FTO: variants seen among roughly 807,000 people sequenced by gnomAD.
The protein encoded by FTO is alpha-ketoglutarate-dependent dioxygenase FTO.
Under a neutral mutation model 63.9 loss-of-function variants are expected in FTO, and 47 were observed. The ratio of observed to expected loss-of-function variants is 0.74; its 90% confidence interval spans 0.58 to 0.94. The LOEUF (loss-of-function observed/expected upper bound fraction) is 0.94, where lower values mean the gene tolerates loss of function less well. FTO is among the 40% of genes least tolerant of loss of function. The pLI is 0.00. For missense variants in FTO, 562 were observed against 618.1 expected (o/e 0.91, Z 0.96); for synonymous variants, 207 against 224.4 (o/e 0.92, Z 0.69).
chr16:53,850,807 G>T (rs549920011), intron 4 of FTO, among the ~76,000 whole-genome samples: 2 of 152,140 alleles, frequency 1.3e-5, no homozygotes, highest in South Asian at 4.1e-4. Flanking sequence ...CTGCTTTTAA[G>T]GCTATGAAAA....
At chr16:53,997,850 A>T (rs73626754) in intron 8 of FTO, among the ~76,000 whole-genome samples, 1 of 152,310 alleles carries the variant, frequency 6.6e-6, no homozygotes, top group African/African-American at 2.4e-5. Flanking sequence ...ATGAATCATC[A>T]TTCTGATTTT....
chr16:53,787,553 T>G (rs369414503), intron 1 of FTO, among the ~76,000 whole-genome samples: 10 of 152,114 alleles, frequency 6.6e-5, no homozygotes, highest in African/African-American at 2.2e-4. Context: ...AAAAAAATTA[T>G]TTTGTATTAG....
chr16:53,913,375 A>T (rs1178750168), intron 7 of FTO, among the ~76,000 whole-genome samples: 1 of 152,214 alleles, frequency 6.6e-6, no homozygotes, highest in African/African-American at 2.4e-5. Context: ...TTACAGTCAG[A>T]CACATTGAAC....
intron 4 of FTO, 115 bp from the exon 5 acceptor site, chr16:53,873,671 A>G: frequency 1.3e-6 from 1 of 788,902 alleles, no homozygotes; most frequent in Non-Finnish European, 2.1e-6. Context: ...TTCCTTGGTT[A>G]TTGTTATTTC....
At chr16:54,095,363 T>TA (rs1388181654) in intron 8 of FTO, among the ~76,000 whole-genome samples, 1 of 151,900 alleles carries the variant, frequency 6.6e-6, no homozygotes, top group Non-Finnish European at 1.5e-5. Flanking sequence ...CATTCTCACT[T>TA]ACAATACCCT....
In FTO at chr16:54,002,725, C is replaced by T. The variant is rs377571598; in HGVS notation, c.1364+68616C>T. Among the ~76,000 whole-genome samples, 8 of 152,234 alleles carry T rather than the reference C, an allele frequency of 5.3e-5. 1 individual carries two copies. The highest frequency in any genetic ancestry group is 1.9e-4 in the East Asian group (1 of 5,184). ...TACTTAAAATTTTATTAAGTGCTGTCGTAGAAACTTGTGTCTACAAAAGAC... is the reference window on the plus strand; with the variant it reads ...TACTTAAAATTTTATTAAGTGCTGTTGTAGAAACTTGTGTCTACAAAAGAC... On this transcript the variant is annotated intron_variant, in intron 8 of 8. Coordinates refer to ENST00000471389, the MANE Select transcript of FTO (RefSeq NM_001080432.3).
At chr16:53,958,485 G>A (rs1168122870) in intron 8 of FTO, among the ~76,000 whole-genome samples, 1 of 152,180 alleles carries the variant, frequency 6.6e-6, no homozygotes, top group African/African-American at 2.4e-5. Flanking sequence ...TTAAAGCTTT[G>A]TCAGATAGGT....
chr16:53,888,769 C>G (rs2081074027), intron 6 of FTO, 63 bp from the exon 7 acceptor site: 1 of 1,581,936 alleles, frequency 6.3e-7, no homozygotes, highest in African/African-American at 1.3e-5. Context: ...GAGACGAAGT[C>G]ATTGTCCTCG....
At chr16:53,992,526 C>T (rs1194116511) in intron 8 of FTO, 4 of 152,180 alleles carry the variant, frequency 2.6e-5, no homozygotes, top group Non-Finnish European at 5.9e-5. Flanking sequence ...CTCTTCGTGC[C>T]TGGTGCCCTA....
chr16:53,951,847 C>T (rs373116802), intron 8 of FTO, among the ~76,000 whole-genome samples: 1 of 151,188 alleles, frequency 6.6e-6, no homozygotes, highest in African/African-American at 2.4e-5. Flanking sequence ...AAGAAAAATG[C>T]TAGAAATGCA....
At chr16:53,805,844 T>G (rs950295029) in intron 1 of FTO, among the ~76,000 whole-genome samples, 6 of 152,174 alleles carry the variant, frequency 3.9e-5, no homozygotes, top group African/African-American at 1.4e-4. Context: ...CATCTGCCCC[T>G]CCTGCCAGGT....
chr16:53,965,548 G>T (rs1219433218), intron 8 of FTO, among the ~76,000 whole-genome samples: 1 of 152,154 alleles, frequency 6.6e-6, no homozygotes, highest in African/African-American at 2.4e-5. Flanking sequence ...TGGAGGAGAG[G>T]TGTCAGCAGA....
At chr16:53,797,912 G>T (rs961906620) in intron 1 of FTO, among the ~76,000 whole-genome samples, 2 of 151,920 alleles carry the variant, frequency 1.3e-5, no homozygotes, top group African/African-American at 2.4e-5. Context: ...AAAGAGTTTC[G>T]TATGTTTTCT....
In FTO at chr16:53,867,597, C is replaced by T. The variant is rs142385176; in HGVS notation, c.896-6189C>T. Among the ~76,000 whole-genome samples the T allele has an allele frequency of 6.0e-5, 9 of 151,000 alleles. No individual in the cohort carries two copies. In the East Asian group the frequency reaches 1.4e-3, roughly 23 times the overall value. On this transcript the variant is annotated intron_variant, in intron 4 of 8. Transcript: ENST00000471389. ...TAACATTCTCTTAAATTTGGTAATACGTGTTTTATCGCCCAGAATGTGGTC... is the reference window on the plus strand; with the variant it reads ...TAACATTCTCTTAAATTTGGTAATATGTGTTTTATCGCCCAGAATGTGGTC...
At chr16:54,001,301 C>CACCT (rs2084060879) in intron 8 of FTO, among the ~76,000 whole-genome samples, 1 of 152,184 alleles carries the variant, frequency 6.6e-6, no homozygotes, top group Non-Finnish European at 1.5e-5. Flanking sequence ...ATTCCGTGAG[C>CACCT]ACCTGCCTTG....
chr16:53,985,125 G>A (rs1391813403), intron 8 of FTO, among the ~76,000 whole-genome samples: 5 of 152,140 alleles, frequency 3.3e-5, no homozygotes, highest in African/African-American at 1.2e-4. Context: ...AGAGAGAAGG[G>A]TGGCAATTAG....
At chr16:54,003,461 T>A (rs1290995575) in intron 8 of FTO, among the ~76,000 whole-genome samples, 1 of 152,256 alleles carries the variant, frequency 6.6e-6, no homozygotes, top group Non-Finnish European at 1.5e-5. Flanking sequence ...TTATGTTGAT[T>A]TTTCTGGTAT....
At position 53,934,068 on chromosome 16, in the gene FTO, G is replaced by A. The variant is rs752971837; in HGVS notation, c.1323G>A (p.Ser441=). 24 of 1,613,918 alleles carry A rather than the reference G, an allele frequency of 1.5e-5. No individual in the cohort carries two copies. Among genetic ancestry groups the A allele is most frequent in the South Asian group, 2.2e-5 (2 of 91,092 alleles). Residue 441 remains serine (S), a synonymous_variant, in exon 8 of 9, where the codon TCG becomes TCA. Coordinates refer to ENST00000471389, the MANE Select transcript of FTO (RefSeq NM_001080432.3). ...AAATCTTGACTGCCATCCTTGCCTCGCTCACTGCACGCCAGAACCTGAGGA... is the reference window on the plus strand; with the variant it reads ...AAATCTTGACTGCCATCCTTGCCTCACTCACTGCACGCCAGAACCTGAGGA... The part of the protein sequence containing the change: ...RNEILTAILA[S]LTARQNLRRE...
chr16:53,800,010 A>T, intron 1 of FTO, among the ~76,000 whole-genome samples: 1 of 150,268 alleles, frequency 6.7e-6, no homozygotes, highest in Non-Finnish European at 1.5e-5. Context: ...TATTTCATTG[A>T]TTTCTGTTGT....
Sources: gnomAD v4.1 joint callset for allele counts (sites outside exome capture counted in the v4.1 genomes callset) on GRCh38, gnomAD v4.1.1 for gene constraint, MANE v1.5 for transcripts, NCBI Gene and HGNC (gene_info 2026-07-23, HGNC 2026-07-21) for gene names.